WIF1: variants seen among roughly 807,000 people sequenced by gnomAD.
The protein encoded by WIF1 is Wnt inhibitory factor 1.
WIF1 carries 35 observed loss-of-function variants against 53.5 expected under a neutral mutation model. The ratio of observed to expected loss-of-function variants is 0.65; its 90% confidence interval spans 0.50 to 0.87. The LOEUF (loss-of-function observed/expected upper bound fraction) is 0.87. Among genes scored for constraint, WIF1 ranks in the 40% least tolerant of loss-of-function variants. WIF1 has a pLI of 0.00. For missense variants in WIF1, 467 were observed against 476.8 expected (o/e 0.98, Z 0.19); for synonymous variants, 171 against 170.4 (o/e 1.00, Z -0.03).
intron 9 of WIF1, among the ~76,000 whole-genome samples, chr12:65,052,661 C>T (rs1037887955): frequency 2.0e-5 from 3 of 152,158 alleles, no homozygotes; most frequent in African/African-American, 7.2e-5. Flanking sequence ...GCTGGGTGAC[C>T]TCTCCTGGAA....
At chr12:65,064,948 C>T (rs1172572388) in intron 6 of WIF1, among the ~76,000 whole-genome samples, 5 of 152,006 alleles carry the variant, frequency 3.3e-5, no homozygotes, top group Admixed American at 6.6e-5. Flanking sequence ...AGTTTTGAGG[C>T]AATAAGAGTT....
chr12:65,067,579 C>A lies in WIF1; in HGVS notation c.634+116G>T, dbSNP rs114482742. ...GATGGCATTGTGCCAAAATTTTCTG[C>A]CCCTGTGACCAGGAAAATAATTTCA... On this transcript the variant is annotated intron_variant, in intron 5 of 9. Transcript: ENST00000286574. 2,676 of 1,086,166 alleles carry A rather than the reference C, an allele frequency of 2.5e-3. 51 individuals carry two copies. In the African/African-American group the frequency reaches 0.039, roughly 16 times the overall value. 67.3% of individuals were successfully genotyped at this position (1,086,166 alleles called of 1,614,324 possible). A position where few individuals can be genotyped will look rare whatever the true frequency, so the allele number is the denominator to read the frequency against.
chr12:65,066,539 AT>A lies in WIF1; in HGVS notation c.730+101del, dbSNP rs1454347206. Reference sequence around the variant, plus strand: ...CAGCCATCTTTACCCTAAGCCATACATTCTCAGAGCTGTTATGAAGAGTGAG... The same window carrying A: ...CAGCCATCTTTACCCTAAGCCATACATCTCAGAGCTGTTATGAAGAGTGAG... On this transcript the variant is annotated intron_variant, in intron 6 of 9. Coordinates refer to ENST00000286574, the MANE Select transcript of WIF1 (RefSeq NM_007191.5). 6.5e-6 allele frequency: 6 copies of A among 925,124 alleles called. No homozygotes were observed. The Admixed American group carries it at 1.4e-4, about 22-fold the overall frequency. The allele number at this position is 925,124 out of a possible 1,614,324, so 57.3% of individuals were successfully genotyped here. A position where few individuals can be genotyped will look rare whatever the true frequency, so the allele number is the denominator to read the frequency against.
At chr12:65,084,837 T>C (rs1425810603) in intron 2 of WIF1, among the ~76,000 whole-genome samples, 1 of 152,196 alleles carries the variant, frequency 6.6e-6, no homozygotes. Context: ...ATTGCTAAGT[T>C]ACTTTTATGG....
At chr12:65,064,049 T>A (rs757324154) in intron 6 of WIF1, among the ~76,000 whole-genome samples, 1 of 152,182 alleles carries the variant, frequency 6.6e-6, no homozygotes, top group Non-Finnish European at 1.5e-5. Flanking sequence ...TTGCTAAGGC[T>A]GGACAGTTGT....
chr12:65,092,537 T>C (rs1258075734), intron 2 of WIF1, among the ~76,000 whole-genome samples: 1 of 150,898 alleles, frequency 6.6e-6, no homozygotes, highest in East Asian at 1.9e-4. Flanking sequence ...TGGTATGCGA[T>C]TGCTGTTTCT....
chr12:65,102,055 T>A (rs575798277), intron 2 of WIF1, among the ~76,000 whole-genome samples: 1 of 152,386 alleles, frequency 6.6e-6, no homozygotes, highest in East Asian at 1.9e-4. Context: ...TTTGTTGCCA[T>A]TGTAAAAAGT....
chr12:65,119,365 G>C (rs997039511), intron 2 of WIF1, among the ~76,000 whole-genome samples: 1 of 152,024 alleles, frequency 6.6e-6, no homozygotes, highest in Non-Finnish European at 1.5e-5. Context: ...AGTGTTGAAG[G>C]TTCTAGATTT....
At chr12:65,103,704 T>C (rs1883313312) in intron 2 of WIF1, among the ~76,000 whole-genome samples, 1 of 152,196 alleles carries the variant, frequency 6.6e-6, no homozygotes, top group Non-Finnish European at 1.5e-5. Context: ...TTGTGTAATA[T>C]GGAGGTAAAA....
At chr12:65,118,695 A>G (rs1883549329) in intron 2 of WIF1, among the ~76,000 whole-genome samples, 1 of 152,220 alleles carries the variant, frequency 6.6e-6, no homozygotes, top group African/African-American at 2.4e-5. Flanking sequence ...TATTCCTGAG[A>G]TTGTATGACA....
chr12:65,072,352 C>G (rs574083387), intron 3 of WIF1, among the ~76,000 whole-genome samples: 2 of 152,232 alleles, frequency 1.3e-5, no homozygotes, highest in South Asian at 2.1e-4. Context: ...TTCCTAACAC[C>G]CCTTGCCTAT....
chr12:65,091,772 C>A (rs917965265), intron 2 of WIF1, among the ~76,000 whole-genome samples: 24 of 152,088 alleles, frequency 1.6e-4, no homozygotes, highest in African/African-American at 5.6e-4. Flanking sequence ...AATTGAGATA[C>A]ACACAGAAGA....
At chr12:65,053,788 G>A (rs2136606419) in intron 9 of WIF1, among the ~76,000 whole-genome samples, 1 of 151,718 alleles carries the variant, frequency 6.6e-6, no homozygotes, top group South Asian at 2.1e-4. Context: ...TATGAACATT[G>A]TAAAATATAA....
At chr12:65,094,173 C>T (rs1883167151) in intron 2 of WIF1, among the ~76,000 whole-genome samples, 1 of 152,028 alleles carries the variant, frequency 6.6e-6, no homozygotes, top group Non-Finnish European at 1.5e-5. Flanking sequence ...GGGTGTAGTA[C>T]CTAAAGGGGA....
At chr12:65,079,382 C>CA (rs1176299966) in intron 2 of WIF1, among the ~76,000 whole-genome samples, 1 of 151,734 alleles carries the variant, frequency 6.6e-6, no homozygotes, top group South Asian at 2.1e-4. Flanking sequence ...AACCCTCCCA[C>CA]AAAAAAAATT....
chr12:65,058,582 TA>T (rs1882564124), intron 7 of WIF1, among the ~76,000 whole-genome samples: 1 of 152,218 alleles, frequency 6.6e-6, no homozygotes. Flanking sequence ...ATTACTAGTT[TA>T]AAGACTATAG....
intron 6 of WIF1, among the ~76,000 whole-genome samples, chr12:65,063,454 C>T (rs570563925): frequency 3.9e-4 from 60 of 152,212 alleles, no homozygotes; most frequent in African/African-American, 1.4e-3. Context: ...CCCATTTGTT[C>T]TTGTCCCATA....
At chr12:65,088,201 G>T (rs1402969945) in intron 2 of WIF1, among the ~76,000 whole-genome samples, 3 of 152,126 alleles carry the variant, frequency 2.0e-5, no homozygotes, top group Non-Finnish European at 4.4e-5. Context: ...AACATCATTA[G>T]TCTCTCCCTT....
chr12:65,097,143 G>T (rs1427810357), intron 2 of WIF1, among the ~76,000 whole-genome samples: 1 of 151,182 alleles, frequency 6.6e-6, no homozygotes, highest in Admixed American at 6.6e-5. Flanking sequence ...TGAAAACTGG[G>T]CCTCTTTTAT....
Sources: allele counts gnomAD v4.1 joint callset (sites outside exome capture counted in the v4.1 genomes callset), GRCh38; gene constraint gnomAD v4.1.1; transcripts MANE v1.5; gene names NCBI Gene and HGNC (gene_info 2026-07-23, HGNC 2026-07-21).